Variants in EXOC4 observed in about 807,000 individuals in gnomAD.
EXOC4 encodes exocyst complex component 4.
A neutral mutation model predicts 107.2 loss-of-function variants in EXOC4; 71 were observed. That is an observed-to-expected ratio of 0.66 (90% confidence interval 0.55 to 0.81). The LOEUF is 0.81. Ranked by LOEUF, EXOC4 falls within the 30% of genes least tolerant of loss-of-function variation. EXOC4 has a pLI of 0.00. For synonymous variants in EXOC4, 456 were observed against 441.2 expected (o/e 1.03, Z -0.42); for missense variants, 1,108 against 1,189.6 (o/e 0.93, Z 1.01).
At chr7:133,904,489 A>T (rs942895747) in intron 12 of EXOC4, among the ~76,000 whole-genome samples, 1 of 152,178 alleles carries the variant, frequency 6.6e-6, no homozygotes, top group South Asian at 2.1e-4. Context: ...TTTTTGACAT[A>T]TTCTGGTCAT....
At chr7:133,686,157 A>G (rs1794294058) in intron 10 of EXOC4, among the ~76,000 whole-genome samples, 1 of 152,096 alleles carries the variant, frequency 6.6e-6, no homozygotes, top group Admixed American at 6.6e-5. Flanking sequence ...GATGCTCAGC[A>G]CCACCTCATG....
chr7:133,758,732 A>G (rs151269752), intron 10 of EXOC4, among the ~76,000 whole-genome samples: 2 of 152,244 alleles, frequency 1.3e-5, no homozygotes, highest in African/African-American at 2.4e-5. Context: ...GTATGTGTAC[A>G]TCATAGTTTC....
chr7:133,876,940 T>C (rs1157276197), intron 11 of EXOC4, among the ~76,000 whole-genome samples: 1 of 152,202 alleles, frequency 6.6e-6, no homozygotes, highest in Non-Finnish European at 1.5e-5. Flanking sequence ...TTTATTGAGC[T>C]GCTTGAATCT....
intron 10 of EXOC4, among the ~76,000 whole-genome samples, chr7:133,716,882 G>A (rs1375891927): frequency 6.6e-6 from 1 of 152,108 alleles, no homozygotes; most frequent in Non-Finnish European, 1.5e-5. Context: ...AGAGATTGTG[G>A]TGAGCCCAGA....
chr7:133,985,120 TATAAG>T (rs1031838900), intron 14 of EXOC4, among the ~76,000 whole-genome samples: 2 of 152,156 alleles, frequency 1.3e-5, no homozygotes, highest in African/African-American at 4.8e-5. Flanking sequence ...GTTAGGGTAA[TATAAG>T]ATATTTCGGA....
chr7:133,921,233 C>G (rs1161652053), intron 13 of EXOC4, among the ~76,000 whole-genome samples: 2 of 152,164 alleles, frequency 1.3e-5, no homozygotes, highest in Admixed American at 6.5e-5. Flanking sequence ...ATGTCCTGCT[C>G]TAGCATACAG....
chr7:133,262,517 CTTTT>C (rs1372585301), intron 1 of EXOC4, among the ~76,000 whole-genome samples: 1 of 152,116 alleles, frequency 6.6e-6, no homozygotes, highest in Non-Finnish European at 1.5e-5. Context: ...CCTTTTCTGA[CTTTT>C]ATTTATTCTT....
intron 7 of EXOC4, among the ~76,000 whole-genome samples, chr7:133,389,639 G>A (rs1796807244): frequency 6.6e-6 from 1 of 151,766 alleles, no homozygotes; most frequent in South Asian, 2.1e-4. Context: ...GAGTGATTGG[G>A]AGTTGGGGTC....
At chr7:133,519,257 A>G (rs1017822179) in intron 9 of EXOC4, among the ~76,000 whole-genome samples, 1 of 152,070 alleles carries the variant, frequency 6.6e-6, no homozygotes, top group African/African-American at 2.4e-5. Context: ...TCTATAAAAA[A>G]TACAAAAATT....
chr7:133,370,203 T>G (rs1170993239), intron 6 of EXOC4, among the ~76,000 whole-genome samples: 1 of 137,858 alleles, frequency 7.3e-6, no homozygotes, highest in East Asian at 2.2e-4. Context: ...TTTAGGAAGT[T>G]TATTTTGCCA....
At chr7:133,806,189 T>C (rs921841218) in intron 10 of EXOC4, among the ~76,000 whole-genome samples, 1 of 152,206 alleles carries the variant, frequency 6.6e-6, no homozygotes, top group Non-Finnish European at 1.5e-5. Flanking sequence ...TAAGATTTAA[T>C]ATAAAGAGAA....
At chr7:133,587,077 A>G (rs1585015373) in intron 9 of EXOC4, among the ~76,000 whole-genome samples, 1 of 151,898 alleles carries the variant, frequency 6.6e-6, no homozygotes, top group African/African-American at 2.4e-5. Flanking sequence ...CGAGTGGTCC[A>G]CCTGCCTCGG....
At chr7:133,281,113 G>A (rs1339264780) in intron 2 of EXOC4, among the ~76,000 whole-genome samples, 1 of 151,932 alleles carries the variant, frequency 6.6e-6, no homozygotes, top group East Asian at 1.9e-4. Flanking sequence ...GAAAAAACCC[G>A]GGGAAAGAAA....
intron 11 of EXOC4, among the ~76,000 whole-genome samples, chr7:133,828,960 G>A (rs2151234650): frequency 6.6e-6 from 1 of 152,292 alleles, no homozygotes; most frequent in East Asian, 1.9e-4. Context: ...AGTACTGAAT[G>A]TGATGGTTTA....
chr7:133,560,030 C>T (rs1360193136), intron 9 of EXOC4, among the ~76,000 whole-genome samples: 2 of 152,206 alleles, frequency 1.3e-5, no homozygotes, highest in East Asian at 3.9e-4. Flanking sequence ...TTTATCCATG[C>T]CTATTTCAGT....
At chr7:133,689,514 C>T (rs1431117541) in intron 10 of EXOC4, among the ~76,000 whole-genome samples, 6 of 152,166 alleles carry the variant, frequency 3.9e-5, no homozygotes, top group African/African-American at 1.4e-4. Flanking sequence ...TCAAGGGTAA[C>T]AGTGTTCTGG....
Position 133,343,565 on chromosome 7 carries a change from C to T in EXOC4, c.764-12765C>T, listed in dbSNP as rs528579454. Among the ~76,000 whole-genome samples the T allele has an allele frequency of 7.3e-4, 111 of 151,974 alleles. 1 individual carries two copies. Among genetic ancestry groups the T allele is most frequent in the African/African-American group, 2.5e-3 (102 of 41,474 alleles). On this transcript the variant is annotated intron_variant, in intron 5 of 17. Transcript: ENST00000253861. Reference sequence around the variant, plus strand: ...GTGACAGGATTACAGACATGAGCCACGCACTCGACTTAATCTTGTCTTTTA... The same window carrying T: ...GTGACAGGATTACAGACATGAGCCATGCACTCGACTTAATCTTGTCTTTTA...
intron 9 of EXOC4, among the ~76,000 whole-genome samples, chr7:133,562,872 G>GCCT (rs1359262833): frequency 2.0e-5 from 3 of 152,092 alleles, no homozygotes; most frequent in African/African-American, 7.2e-5. Context: ...TTTTGGTATT[G>GCCT]CTAGCCCTGC....
intron 2 of EXOC4, among the ~76,000 whole-genome samples, chr7:133,280,379 G>C (rs1007113701): frequency 6.6e-6 from 1 of 152,178 alleles, no homozygotes; most frequent in African/African-American, 2.4e-5. Flanking sequence ...AGCACCAAAA[G>C]AAATGGATAC....
Sources: gnomAD v4.1 joint callset for allele counts (sites outside exome capture counted in the v4.1 genomes callset) on GRCh38, gnomAD v4.1.1 for gene constraint, MANE v1.5 for transcripts, NCBI Gene and HGNC (gene_info 2026-07-23, HGNC 2026-07-21) for gene names.